The following SIDT1 variants were observed in gnomAD, a reference collection of about 807,000 sequenced individuals.
SIDT1 encodes the protein SID1 transmembrane family member 1.
In SIDT1, 101 loss-of-function variants were observed where a neutral mutation model predicts 107.5. That is an observed-to-expected ratio of 0.94 (90% confidence interval 0.80 to 1.11). The LOEUF (loss-of-function observed/expected upper bound fraction) is 1.11, where lower values mean the gene tolerates loss of function less well. Ranked by LOEUF, SIDT1 falls within the 50% of genes least tolerant of loss-of-function variation. The pLI is 0.00. For synonymous variants in SIDT1, 395 were observed against 398.2 expected (o/e 0.99, Z 0.10); for missense variants, 1,076 against 1,058.2 (o/e 1.02, Z -0.23).
intron 1 of SIDT1, among the ~76,000 whole-genome samples, chr3:113,556,786 G>T (rs373200669): frequency 2.2e-4 from 33 of 147,746 alleles, no homozygotes; most frequent in Admixed American, 1.5e-3. Flanking sequence ...AAGTTAGTCT[G>T]TGGCTTCTGA....
downstream of SIDT1, among the ~76,000 whole-genome samples, chr3:113,633,305 G>C (rs866806441): frequency 4.6e-5 from 7 of 152,224 alleles, no homozygotes; most frequent in South Asian, 4.1e-4. Flanking sequence ...GAAGAAATAG[G>C]CTTCTTGCTG....
chr3:113,608,342 G>A lies in SIDT1; in HGVS notation c.1603-77G>A. On this transcript the variant is annotated intron_variant, in intron 16 of 24. Coordinates refer to ENST00000264852, the MANE Select transcript of SIDT1 (RefSeq NM_017699.3). ...TGTAATAAACTACATGAGGCCAGAA[G>A]CATGTGCTTCCAGATTAGTGACTTG... 5 of 1,534,762 alleles carry A rather than the reference G, an allele frequency of 3.3e-6. No homozygotes were observed. In the South Asian group the frequency reaches 4.6e-5, roughly 14 times the overall value.
chr3:113,622,647 T>C (rs1200665483), intron 21 of SIDT1, among the ~76,000 whole-genome samples: 1 of 152,184 alleles, frequency 6.6e-6, no homozygotes, highest in African/African-American at 2.4e-5. Context: ...GTAATGTGTG[T>C]CAAGCCAATC....
At chr3:113,594,371 C>T (rs1314689289) in intron 10 of SIDT1, among the ~76,000 whole-genome samples, 1 of 152,132 alleles carries the variant, frequency 6.6e-6, no homozygotes, top group African/African-American at 2.4e-5. Context: ...ATGAATTTGT[C>T]TGCTCTCTGG....
At chr3:113,576,509 A>ATCTACATTATT (rs1942911767) in intron 3 of SIDT1, among the ~76,000 whole-genome samples, 2 of 152,142 alleles carry the variant, frequency 1.3e-5, no homozygotes, top group African/African-American at 2.4e-5. Flanking sequence ...TTATTTTGAA[A>ATCTACATTATT]TGTATCTACA....
chr3:113,632,804 G>C (rs1033877574), downstream of SIDT1: 2 of 152,242 alleles, frequency 1.3e-5, no homozygotes, highest in African/African-American at 4.8e-5. Context: ...GCGCTATGCC[G>C]ATCGGGTGTC....
chr3:113,583,627 TGA>T lies in SIDT1; in HGVS notation c.835+136_835+137del, dbSNP rs759007552. On this transcript the variant is annotated intron_variant, in intron 7 of 24. Transcript: ENST00000264852. ...CCATCATCATGATGGGAAAGGCATC[TGA>T]GAGATACTTGAGAAAAAAAACGAAA... 7.4e-6 allele frequency: 4 copies of T among 541,122 alleles called. No individual in the cohort carries two copies. In the Middle Eastern group the frequency reaches 1.5e-3, roughly 201 times the overall value. 33.5% of individuals were successfully genotyped at this position (541,122 alleles called of 1,614,324 possible).
At chr3:113,599,695 T>C (rs1944821298) in intron 10 of SIDT1, among the ~76,000 whole-genome samples, 1 of 152,010 alleles carries the variant, frequency 6.6e-6, no homozygotes, top group African/African-American at 2.4e-5. Context: ...GTAAAATACA[T>C]AGAAATAAGG....
intron 1 of SIDT1, among the ~76,000 whole-genome samples, chr3:113,545,754 A>C (rs1444291522): frequency 6.6e-6 from 1 of 152,226 alleles, no homozygotes; most frequent in Non-Finnish European, 1.5e-5. Flanking sequence ...CTTTTTCATG[A>C]GAAACTGAAA....
At chr3:113,544,097 TG>T (rs1168900365) in intron 1 of SIDT1, among the ~76,000 whole-genome samples, 2 of 151,458 alleles carry the variant, frequency 1.3e-5, no homozygotes, top group African/African-American at 2.5e-5. Context: ...TGTTTTGTTT[TG>T]TTTTTTTAAT....
intron 23 of SIDT1, among the ~76,000 whole-genome samples, chr3:113,625,143 T>TGGGGGGGCG (rs1381218726): frequency 2.6e-5 from 2 of 77,420 alleles, no homozygotes; most frequent in African/African-American, 9.9e-5. Context: ...TTCTTTTTTT[T>TGGGGGGGCG]GGGGGGGCGG....
chr3:113,617,390 C>G (rs1406377295), intron 20 of SIDT1, among the ~76,000 whole-genome samples: 1 of 152,200 alleles, frequency 6.6e-6, no homozygotes, highest in Non-Finnish European at 1.5e-5. Context: ...GGTCAGTGAT[C>G]TTGAGAAGGC....
chr3:113,606,874 T>TAA (rs1371120348), intron 14 of SIDT1, 167 bp from the exon 15 acceptor site: 56 of 513,510 alleles, frequency 1.1e-4, no homozygotes, highest in Non-Finnish European at 1.6e-4. Flanking sequence ...AAAGTGCCTG[T>TAA]GCTGTGTAAG....
At chr3:113,548,505 T>A (rs1939851788) in intron 1 of SIDT1, among the ~76,000 whole-genome samples, 1 of 152,106 alleles carries the variant, frequency 6.6e-6, no homozygotes, top group Admixed American at 6.5e-5. Context: ...AACATGCCAC[T>A]CCACTATATG....
chr3:113,583,925 C>G (rs1235744924), intron 7 of SIDT1, among the ~76,000 whole-genome samples: 1 of 152,152 alleles, frequency 6.6e-6, no homozygotes, highest in African/African-American at 2.4e-5. Context: ...AAAAATTCAG[C>G]ATTCTGCATC....
the SIDT1 span, among the ~76,000 whole-genome samples, chr3:113,636,463 A>T: frequency 6.6e-6 from 1 of 151,936 alleles, no homozygotes; most frequent in Non-Finnish European, 1.5e-5. Flanking sequence ...GGCAGCATTT[A>T]AAAAAAAGGT....
At chr3:113,620,393 A>T (rs985685931) in intron 21 of SIDT1, among the ~76,000 whole-genome samples, 1 of 152,132 alleles carries the variant, frequency 6.6e-6, no homozygotes, top group Non-Finnish European at 1.5e-5. Context: ...CCTCTTATAC[A>T]GTTGAATGAG....
intron 1 of SIDT1, among the ~76,000 whole-genome samples, chr3:113,556,575 G>T (rs1434079433): frequency 2.0e-5 from 3 of 152,182 alleles, no homozygotes; most frequent in Non-Finnish European, 4.4e-5. Flanking sequence ...AATTTAAAGA[G>T]TGTATTTGAC....
chr3:113,533,088 G>C lies in SIDT1; in HGVS notation c.67G>C (p.Gly23Arg), dbSNP rs13327031. 1.3e-6 allele frequency: 2 copies of C among 1,511,362 alleles called. No individual in the cohort carries two copies. Among genetic ancestry groups the C allele is most frequent in the Non-Finnish European group, 1.8e-6 (2 of 1,130,142 alleles). 93.6% of individuals were successfully genotyped at this position (1,511,362 alleles called of 1,614,324 possible). The change falls in exon 1 of 25, where the codon GGG becomes CGG. Residue 23 changes from glycine (G) to arginine (R), a missense_variant. Physicochemically the swap from Gly to Arg is moderately radical, Grantham distance 125 (BLOSUM62 -2). Coordinates refer to ENST00000264852, the MANE Select transcript of SIDT1 (RefSeq NM_017699.3). ...CTGGCTCCTGCTGGCGGCGTCGCCC[G>C]GGCACCCGGCGAAATCCCCCAGGCA... ...LPWLLLAASP[G>R]HPAKSPRQPP...
Sources: gnomAD v4.1 joint callset for allele counts (sites outside exome capture counted in the v4.1 genomes callset) on GRCh38, gnomAD v4.1.1 for gene constraint, MANE v1.5 for transcripts, NCBI Gene and HGNC (gene_info 2026-07-23, HGNC 2026-07-21) for gene names.